Variants in MALRD1 observed in about 807,000 individuals in gnomAD.
MALRD1 encodes MAM and LDL-receptor class A domain-containing protein 1.
A neutral mutation model predicts 242.1 loss-of-function variants in MALRD1; 247 were observed. The ratio of observed to expected loss-of-function variants is 1.02; its 90% CI spans 0.92 to 1.13. The LOEUF is 1.13. MALRD1 is among the 50% of genes most tolerant of loss of function. The pLI is 0.00. For synonymous variants in MALRD1, 995 were observed against 866.6 expected (o/e 1.15, Z -2.60); for missense variants, 2,989 against 2,533.1 (o/e 1.18, Z -3.86).
At chr10:19,325,961 T>C (rs1451964327) in intron 22 of MALRD1, among the ~76,000 whole-genome samples, 6 of 152,144 alleles carry the variant, frequency 3.9e-5, no homozygotes, top group Non-Finnish European at 7.4e-5. Flanking sequence ...CTGGCTATTG[T>C]TATTCATTTT....
At chr10:19,359,881 C>T (rs1282183462) in intron 26 of MALRD1, among the ~76,000 whole-genome samples, 1 of 152,054 alleles carries the variant, frequency 6.6e-6, no homozygotes, top group East Asian at 1.9e-4. Context: ...AACAAACCAG[C>T]TCATCACACG....
intron 36 of MALRD1, among the ~76,000 whole-genome samples, chr10:19,656,438 A>C (rs545258079): frequency 3.5e-4 from 53 of 152,284 alleles, no homozygotes; most frequent in African/African-American, 1.2e-3. Context: ...TAATTCTATA[A>C]ATAAGTGTTT....
chr10:19,707,672 G>C (rs1397985777), intron 38 of MALRD1, among the ~76,000 whole-genome samples: 2 of 149,418 alleles, frequency 1.3e-5, no homozygotes, highest in Non-Finnish European at 3.0e-5. Context: ...ATTATGACTG[G>C]GTGCTGTGGC....
At chr10:19,714,317 G>A (rs1834277402) in intron 38 of MALRD1, among the ~76,000 whole-genome samples, 1 of 152,176 alleles carries the variant, frequency 6.6e-6, no homozygotes, top group East Asian at 1.9e-4. Flanking sequence ...GCTGCCCAGT[G>A]GCTGGGCTCC....
chr10:19,524,087 C>T (rs1367468228), intron 31 of MALRD1, among the ~76,000 whole-genome samples: 1 of 152,092 alleles, frequency 6.6e-6, no homozygotes, highest in East Asian at 1.9e-4. Context: ...AAAATTCATT[C>T]GTCTCCAGAA....
intron 7 of MALRD1, 149 bp from the exon 8 acceptor site, chr10:19,128,072 A>G: frequency 2.3e-6 from 1 of 431,238 alleles, no homozygotes; most frequent in Admixed American, 4.4e-5. Context: ...TTTGTAGTTG[A>G]TGTAATCATT....
At chr10:19,691,432 C>T (rs1842815264) in intron 36 of MALRD1, among the ~76,000 whole-genome samples, 1 of 152,058 alleles carries the variant, frequency 6.6e-6, no homozygotes, top group Non-Finnish European at 1.5e-5. Flanking sequence ...TTCTAACACT[C>T]AGTTTTTATA....
chr10:19,132,598 G>A (rs1833155839), intron 8 of MALRD1, among the ~76,000 whole-genome samples: 1 of 152,124 alleles, frequency 6.6e-6, no homozygotes, highest in Non-Finnish European at 1.5e-5. Flanking sequence ...CACAAATATT[G>A]ATATCAAGTA....
chr10:19,255,514 A>G (rs540300586), intron 18 of MALRD1, among the ~76,000 whole-genome samples: 14 of 152,168 alleles, frequency 9.2e-5, no homozygotes, highest in African/African-American at 3.1e-4. Flanking sequence ...TTAAACCTTA[A>G]CAGTCATAAC....
chr10:19,475,749 A>C (rs1472673971), intron 29 of MALRD1, among the ~76,000 whole-genome samples: 1 of 152,212 alleles, frequency 6.6e-6, no homozygotes, highest in Admixed American at 6.5e-5. Flanking sequence ...CATAAATTGA[A>C]CATTATGTAA....
intron 38 of MALRD1, among the ~76,000 whole-genome samples, chr10:19,712,806 G>A (rs1468864231): frequency 2.0e-5 from 3 of 152,160 alleles, no homozygotes; most frequent in African/African-American, 7.2e-5. Context: ...GGGAAAGGAA[G>A]AGAAAAGACT....
At chr10:19,213,963 G>C (rs538843972) in intron 18 of MALRD1, among the ~76,000 whole-genome samples, 2 of 152,146 alleles carry the variant, frequency 1.3e-5, no homozygotes, top group Non-Finnish European at 2.9e-5. Flanking sequence ...GGTGTTTCTG[G>C]TTTGGCTGAT....
At chr10:19,214,781 G>A (rs990553194) in intron 18 of MALRD1, among the ~76,000 whole-genome samples, 1 of 152,160 alleles carries the variant, frequency 6.6e-6, no homozygotes, top group Non-Finnish European at 1.5e-5. Context: ...GTCAGAAGGA[G>A]CCAAATCAGA....
Position 19,323,989 on chromosome 10 carries a change from A to G in MALRD1, c.3460A>G (p.Asn1154Asp), listed in dbSNP as rs1008362143. 8.4e-6 allele frequency: 13 copies of G among 1,550,686 alleles called. 1 individual carries two copies. In the Admixed American group the frequency reaches 2.6e-4, roughly 30 times the overall value. Residue 1154 changes from asparagine to aspartate, a missense_variant, in exon 22 of 40, where the codon AAT (asparagine) becomes GAT (aspartate). Coordinates refer to ENST00000454679, the MANE Select transcript of MALRD1 (RefSeq NM_001142308.3). Reference protein sequence around the residue: ...DGWYLYADSSNGKFGDTADIL... With the variant: ...DGWYLYADSSDGKFGDTADIL... ...CTGGTACCTGTATGCTGACAGTTCT[A>G]ATGGGAAATTTGGTGACACGGCTGA...
chr10:19,638,436 G>A (rs552810818), intron 36 of MALRD1, among the ~76,000 whole-genome samples: 1 of 152,244 alleles, frequency 6.6e-6, no homozygotes, highest in African/African-American at 2.4e-5. Context: ...GGGAGTAGCA[G>A]AAGGTTTATT....
At chr10:19,446,879 C>T (rs1298292870) in intron 28 of MALRD1, among the ~76,000 whole-genome samples, 1 of 152,098 alleles carries the variant, frequency 6.6e-6, no homozygotes, top group Non-Finnish European at 1.5e-5. Context: ...AGTCCCTCAG[C>T]AGTGGCAAAA....
In MALRD1 at chr10:19,595,358, A is replaced by G. The variant is rs1351859362; in HGVS notation, c.5845A>G (p.Asn1949Asp). The G allele has an allele frequency of 6.4e-7, 1 of 1,550,728 alleles. No individual in the cohort carries two copies. The highest frequency in any genetic ancestry group is 8.7e-7 in the Non-Finnish European group (1 of 1,146,970). ...PLSPTPPLCSNMEFPCSTDEC... is the reference protein window; with the variant it reads ...PLSPTPPLCSDMEFPCSTDEC... ...CAGCCCCACCCCTCCACTCTGTAGTAACATGGAGTTCCCGTGCTCTACAGA... is the reference window on the plus strand; with the variant it reads ...CAGCCCCACCCCTCCACTCTGTAGTGACATGGAGTTCCCGTGCTCTACAGA... The change falls in exon 34 of 40, where the codon AAC (asparagine) becomes GAC (aspartate). Residue 1949 changes from asparagine (N) to aspartate (D), a missense_variant. Physicochemically the swap from Asn to Asp is conservative, Grantham distance 23. Coordinates refer to ENST00000454679, the MANE Select transcript of MALRD1 (RefSeq NM_001142308.3).
intron 29 of MALRD1, among the ~76,000 whole-genome samples, chr10:19,463,734 T>G (rs1016850343): frequency 6.6e-6 from 1 of 152,166 alleles, no homozygotes; most frequent in African/African-American, 2.4e-5. Flanking sequence ...AGATACCCAG[T>G]AGTGGGATTG....
chr10:19,203,757 T>C lies in MALRD1; in HGVS notation c.1981T>C (p.Cys661Arg), dbSNP rs142985306. 719 of 1,547,634 alleles carry C rather than the reference T, an allele frequency of 4.6e-4. 3 individuals are homozygous for C. In the East Asian group the frequency reaches 0.012, roughly 25 times the overall value. Reference protein sequence around the residue: ...FSKCDFEANSCDWFEAISGDH... With the variant: ...FSKCDFEANSRDWFEAISGDH... Reference sequence around the variant, plus strand: ...CAAGTGTGACTTTGAAGCAAACAGCTGTGATTGGTTTGAAGCAATTAGTGG... The same window carrying C: ...CAAGTGTGACTTTGAAGCAAACAGCCGTGATTGGTTTGAAGCAATTAGTGG... The change falls in exon 15 of 40, where the codon TGT becomes CGT. Residue 661 changes from cysteine to arginine, a missense_variant. By Grantham distance (180) the Cys-to-Arg change is radical. Coordinates refer to ENST00000454679, the MANE Select transcript of MALRD1 (RefSeq NM_001142308.3).
Sources: gnomAD v4.1 joint callset for allele counts (sites outside exome capture counted in the v4.1 genomes callset) on GRCh38, gnomAD v4.1.1 for gene constraint, MANE v1.5 for transcripts, NCBI Gene and HGNC (gene_info 2026-07-23, HGNC 2026-07-21) for gene names.